GTF2A1: variants seen among roughly 807,000 people sequenced by gnomAD.
GTF2A1 encodes the protein transcription initiation factor IIA subunit 1.
In GTF2A1, 12 loss-of-function variants were observed where a neutral mutation model predicts 54.1. The ratio of observed to expected loss-of-function variants is 0.22; its 90% CI spans 0.14 to 0.36. The LOEUF (loss-of-function observed/expected upper bound fraction) is 0.36, where lower values mean the gene tolerates loss of function less well. GTF2A1 is among the 10% of genes least tolerant of loss of function. GTF2A1 has a pLI of 1.00. For missense variants in GTF2A1, 335 were observed against 442.2 expected (o/e 0.76, Z 2.17); for synonymous variants, 145 against 152.0 (o/e 0.95, Z 0.34).
intron 6 of GTF2A1, among the ~76,000 whole-genome samples, chr14:81,193,956 G>A (rs566655312): frequency 6.6e-6 from 1 of 152,168 alleles, no homozygotes; most frequent in Non-Finnish European, 1.5e-5. Context: ...AGCAGATGTA[G>A]TACAAATATG....
At chr14:81,193,520 C>A (rs1892923261) in intron 6 of GTF2A1, among the ~76,000 whole-genome samples, 1 of 152,170 alleles carries the variant, frequency 6.6e-6, no homozygotes, top group Non-Finnish European at 1.5e-5. Context: ...TCATTTAACT[C>A]CTCTTGGCCT....
At chr14:81,184,152 G>C (rs1454284333) in intron 8 of GTF2A1, among the ~76,000 whole-genome samples, 2 of 152,182 alleles carry the variant, frequency 1.3e-5, no homozygotes, top group African/African-American at 4.8e-5. Context: ...TATGAGTACA[G>C]TTTGTGCCAA....
chr14:81,197,636 C>T, intron 4 of GTF2A1, 152 bp from the exon 5 acceptor site: 1 of 505,170 alleles, frequency 2.0e-6, no homozygotes, highest in Non-Finnish European at 3.6e-6. Context: ...TAAAATGGTA[C>T]AAGACTGACC....
intron 2 of GTF2A1, among the ~76,000 whole-genome samples, chr14:81,212,549 A>G (rs1208592148): frequency 6.6e-6 from 1 of 152,156 alleles, no homozygotes; most frequent in Non-Finnish European, 1.5e-5. Flanking sequence ...CATTCTCATC[A>G]TTCATCTTTG....
At chr14:81,195,340 AG>A (rs1291730508) in intron 6 of GTF2A1, among the ~76,000 whole-genome samples, 2 of 150,678 alleles carry the variant, frequency 1.3e-5, no homozygotes, top group African/African-American at 4.9e-5. Flanking sequence ...CTGCAGTTAA[AG>A]AAAAAAAAAA....
At chr14:81,217,099 A>C (rs923988910) in intron 1 of GTF2A1, among the ~76,000 whole-genome samples, 13 of 152,222 alleles carry the variant, frequency 8.5e-5, no homozygotes, top group African/African-American at 2.7e-4. Flanking sequence ...CCTTCCCAGG[A>C]TTTCTCCTCT....
chr14:81,216,382 T>G, intron 2 of GTF2A1, 31 bp downstream of exon 2: 1 of 904,028 alleles, frequency 1.1e-6, no homozygotes. Flanking sequence ...GGGGGAAAAG[T>G]AGGAATATTT....
intron 5 of GTF2A1, 178 bp downstream of exon 5, chr14:81,197,231 T>C (rs1463661972): frequency 3.8e-6 from 2 of 521,666 alleles, no homozygotes; most frequent in Admixed American, 3.6e-5. Flanking sequence ...TACTGTATCC[T>C]CAACAACGAT....
chr14:81,209,735 T>C (rs574746572), intron 2 of GTF2A1: 4 of 361,106 alleles, frequency 1.1e-5, no homozygotes, highest in South Asian at 2.2e-5. Flanking sequence ...GTAACCTTAA[T>C]AGACTATTCC....
At chr14:81,220,419 G>GC in intron 1 of GTF2A1, 70 bp downstream of exon 1, 2 of 1,103,140 alleles carry the variant, frequency 1.8e-6, no homozygotes, top group East Asian at 3.1e-5. Context: ...CGCCGTCCCC[G>GC]CCCCCGCCCG....
intron 3 of GTF2A1, among the ~76,000 whole-genome samples, chr14:81,203,360 A>G (rs1189459453): frequency 6.6e-6 from 1 of 152,226 alleles, no homozygotes; most frequent in African/African-American, 2.4e-5. Flanking sequence ...AATAAATCTA[A>G]TTCAGTCCAT....
At chr14:81,214,402 T>C (rs1167406831) in intron 2 of GTF2A1, among the ~76,000 whole-genome samples, 3 of 151,920 alleles carry the variant, frequency 2.0e-5, no homozygotes, top group African/African-American at 2.4e-5. Flanking sequence ...TCCCAGCACT[T>C]TGGGAGGCCG....
chr14:81,204,583 T>C lies in GTF2A1; in HGVS notation c.133-479A>G, dbSNP rs575572073. 5.3e-5 allele frequency among the ~76,000 whole-genome samples: 8 copies of C among 152,344 alleles called. No individual in the cohort carries two copies. In the East Asian group the frequency reaches 5.8e-4, roughly 11 times the overall value. On this transcript the variant is annotated intron_variant, in intron 2 of 8. Coordinates refer to ENST00000553612, the MANE Select transcript of GTF2A1 (RefSeq NM_015859.4). ...AATTCATTTACAACAGTGAGATACATAGATGCAATCCCCCAAAGAAGAAAA... is the reference window on the plus strand; with the variant it reads ...AATTCATTTACAACAGTGAGATACACAGATGCAATCCCCCAAAGAAGAAAA...
chr14:81,216,146 G>A (rs1292285356), intron 2 of GTF2A1, among the ~76,000 whole-genome samples: 1 of 152,226 alleles, frequency 6.6e-6, no homozygotes, highest in Admixed American at 6.5e-5. Flanking sequence ...ATTGTGCTAA[G>A]ATTTTATATG....
chr14:81,211,862 T>C (rs1893370331), intron 2 of GTF2A1, among the ~76,000 whole-genome samples: 1 of 131,620 alleles, frequency 7.6e-6, no homozygotes, highest in Admixed American at 8.3e-5. Flanking sequence ...ATAATTAGAG[T>C]GTATCAAGTA....
At chr14:81,206,692 G>A (rs1430724962) in intron 2 of GTF2A1, among the ~76,000 whole-genome samples, 1 of 152,120 alleles carries the variant, frequency 6.6e-6, no homozygotes, top group Non-Finnish European at 1.5e-5. Flanking sequence ...AATCTAGACC[G>A]ATGTTTTTCA....
Position 81,207,171 on chromosome 14 carries a change from C to G in GTF2A1, c.133-3067G>C, listed in dbSNP as rs566616081. 1.3e-4 allele frequency among the ~76,000 whole-genome samples: 20 copies of G among 151,900 alleles called. No individual in the cohort carries two copies. In the East Asian group the frequency reaches 3.9e-3, roughly 29 times the overall value. On this transcript the variant is annotated intron_variant, in intron 2 of 8. Transcript: ENST00000553612. Reference sequence around the variant, plus strand: ...CCTACCTACCTACCTACCTACCTACCTACCTACCTACCTACCTACCTGATA... The same window carrying G: ...CCTACCTACCTACCTACCTACCTACGTACCTACCTACCTACCTACCTGATA...
At chr14:81,213,380 G>A (rs962185877) in intron 2 of GTF2A1, among the ~76,000 whole-genome samples, 1 of 152,120 alleles carries the variant, frequency 6.6e-6, no homozygotes, top group African/African-American at 2.4e-5. Context: ...TACTATTAAC[G>A]ATAGGGAAAA....
At chr14:81,188,608 A>G (rs1051165889) in intron 7 of GTF2A1, among the ~76,000 whole-genome samples, 1 of 143,724 alleles carries the variant, frequency 7.0e-6, no homozygotes, top group African/African-American at 2.6e-5. Flanking sequence ...CGTCTCTACT[A>G]AAAAAAAAAA....
Sources: allele counts gnomAD v4.1 joint callset (sites outside exome capture counted in the v4.1 genomes callset), GRCh38; gene constraint gnomAD v4.1.1; transcripts MANE v1.5; gene names NCBI Gene and HGNC (gene_info 2026-07-23, HGNC 2026-07-21).